The following TRPV2 variants were observed in gnomAD, a reference collection of about 807,000 sequenced individuals.
TRPV2 encodes the protein transient receptor potential cation channel subfamily V member 2, also known as OTRPC2.
A neutral mutation model predicts 91.0 loss-of-function variants in TRPV2; 58 were observed. That is an observed-to-expected ratio of 0.64 (90% CI 0.52 to 0.79). The LOEUF is 0.79. Among genes scored for constraint, TRPV2 ranks in the 30% least tolerant of loss-of-function variants. The pLI is 0.00. For synonymous variants in TRPV2, 417 were observed against 414.8 expected (o/e 1.01, Z -0.06); for missense variants, 807 against 969.6 (o/e 0.83, Z 2.23).
At chr17:16,434,413 A>G (rs1387020992) in intron 13 of TRPV2, among the ~76,000 whole-genome samples, 1 of 147,228 alleles carries the variant, frequency 6.8e-6, no homozygotes, top group Admixed American at 7.0e-5. Context: ...GCTTGCAGTG[A>G]GCTGAGATCG....
rs2142994206 is a variant in TRPV2 at position 16,426,233 on chromosome 17, A to G, written c.1059A>G (p.Ser353=). 2 of 1,614,198 alleles carry G rather than the reference A, an allele frequency of 1.2e-6. No individual in the cohort carries two copies. Among genetic ancestry groups the G allele is most frequent in the Non-Finnish European group, 1.7e-6 (2 of 1,180,032 alleles). ...LASVDSCEEN[S]VLEIIAFHCK... is the part of the protein sequence containing the mutation. ...CTGTGGACAGCTGTGAGGAGAACTC[A>G]GTGCTGGAGATCATTGCCTTTCATT... The change falls in exon 6 of 15, where the codon TCA becomes TCG. Residue 353 remains serine, a synonymous_variant. Transcript: ENST00000338560. The surrounding 1 kb of genome is among the most constrained non-coding windows in gnomAD (Gnocchi z 6.0).
intron 4 of TRPV2, among the ~76,000 whole-genome samples, chr17:16,423,117 C>T (rs77178574): frequency 7.3e-4 from 111 of 152,354 alleles, no homozygotes; most frequent in Non-Finnish European, 1.3e-3. Flanking sequence ...CGAGCTGGGG[C>T]TACAAGTGTG....
chr17:16,417,808 A>G lies in TRPV2; in HGVS notation c.140A>G (p.Asp47Gly). The change falls in exon 2 of 15, where the codon GAC becomes GGC. Residue 47 changes from aspartate (D) to glycine (G), a missense_variant. Coordinates refer to ENST00000338560, the MANE Select transcript of TRPV2 (RefSeq NM_016113.5). ...ATGGAGTCACAGTTCCAGGGCGAGGACCGGAAATTCGCCCCTCAGATAAGA... is the reference window on the plus strand; with the variant it reads ...ATGGAGTCACAGTTCCAGGGCGAGGGCCGGAAATTCGCCCCTCAGATAAGA... ...PPMESQFQGE[D>G]RKFAPQIRVN... 6.2e-7 allele frequency: 1 copy of G among 1,614,216 alleles called. No individual in the cohort carries two copies. Among genetic ancestry groups the G allele is most frequent in the South Asian group, 1.1e-5 (1 of 91,090 alleles).
intron 1 of TRPV2, chr17:16,416,677 C>T (rs1199734688): frequency 1.3e-5 from 2 of 152,196 alleles, no homozygotes; most frequent in Non-Finnish European, 1.5e-5. Context: ...ATAGACAGAC[C>T]CTGAAAGGCT....
intron 8 of TRPV2, 65 bp from the exon 9 acceptor site, chr17:16,428,252 C>A: frequency 6.5e-7 from 1 of 1,532,256 alleles, no homozygotes; most frequent in African/African-American, 1.4e-5. Flanking sequence ...TCCCACTCAG[C>A]CAGGCCAGCA....
At chr17:16,432,455 T>TTTC (rs398030442) in intron 12 of TRPV2, among the ~76,000 whole-genome samples, 155 bp downstream of exon 12, 1 of 150,522 alleles carries the variant, frequency 6.6e-6, no homozygotes, top group Admixed American at 6.6e-5. Context: ...TTTTTTTTTT[T>TTTC]CTGGAGACAA....
chr17:16,422,476 G>A, intron 3 of TRPV2, 123 bp from the exon 4 acceptor site: 1 of 929,804 alleles, frequency 1.1e-6, no homozygotes, highest in East Asian at 2.5e-5. Flanking sequence ...CACCAGTTAT[G>A]TGTAGCATCT....
At chr17:16,433,362 T>C (rs2093421801) in intron 12 of TRPV2, 1 of 586,344 alleles carries the variant, frequency 1.7e-6, no homozygotes, top group Non-Finnish European at 2.9e-6. Flanking sequence ...GTCCTCAGTC[T>C]ACAAATGGGG....
At position 16,423,003 on chromosome 17, in the gene TRPV2, G is replaced by C. The variant is rs1269002911; in HGVS notation, c.625+114G>C. On this transcript the variant is annotated intron_variant, in intron 4 of 14. Transcript: ENST00000338560. ...GTTAAACCTAGGTTTTTCTGACCCC[G>C]ATGCCCTGCTTCTAACCACTAGGCT... 3.0e-5 allele frequency: 39 copies of C among 1,298,984 alleles called. No individual in the cohort carries two copies. In the South Asian group the frequency reaches 5.3e-4, roughly 18 times the overall value. The allele number at this position is 1,298,984 out of a possible 1,614,324, so 80.5% of individuals were successfully genotyped here.
rs775805678 is a variant in TRPV2 at position 16,417,749 on chromosome 17, A to G, written c.81A>G (p.Arg27=). ...AAGAAGATGGCTCTGAGGCGGACAG[A>G]GGAAAGCTGGATTTTGGGAGCGGGC... The part of the protein sequence containing the change: ...GGQEDGSEAD[R]GKLDFGSGLP... Residue 27 remains arginine, a synonymous_variant, in exon 2 of 15, where the codon AGA becomes AGG. Coordinates refer to ENST00000338560, the MANE Select transcript of TRPV2 (RefSeq NM_016113.5). The G allele has an allele frequency of 1.8e-5, 29 of 1,614,204 alleles. No individual in the cohort carries two copies. Among genetic ancestry groups the G allele is most frequent in the Non-Finnish European group, 2.4e-5 (28 of 1,180,036 alleles).
At chr17:16,428,664 T>C in intron 9 of TRPV2, 153 bp from the exon 10 acceptor site, 1 of 817,256 alleles carries the variant, frequency 1.2e-6, no homozygotes, top group Admixed American at 2.6e-5. Flanking sequence ...GCATCATTAT[T>C]ATTATGCCCA....
Position 16,422,836 on chromosome 17 carries a change from C to T in TRPV2, c.572C>T (p.Ala191Val). 1 of 1,573,388 alleles carries T rather than the reference C, an allele frequency of 6.4e-7. No homozygotes were observed. Among genetic ancestry groups the T allele is most frequent in the East Asian group, 2.3e-5 (1 of 42,746 alleles). ...LLVENGANVH[A>V]RACGRFFQKG... The stretch of plus-strand genomic sequence containing the variant: ...GTGGAGAATGGGGCCAATGTGCATG[C>T]CCGGGCCTGCGGCCGCTTCTTCCAG... Residue 191 changes from alanine (A) to valine (V), a missense_variant, in exon 4 of 15, where the codon GCC becomes GTC. Coordinates refer to ENST00000338560, the MANE Select transcript of TRPV2 (RefSeq NM_016113.5).
At chr17:16,419,713 C>T (rs977400258) in intron 2 of TRPV2, among the ~76,000 whole-genome samples, 6 of 152,176 alleles carry the variant, frequency 3.9e-5, no homozygotes, top group African/African-American at 1.4e-4. Context: ...TGTGAGTCTG[C>T]GGGGACCTCC....
At chr17:16,428,276 AGAGCAG>A in intron 8 of TRPV2, 35 bp from the exon 9 acceptor site, 1 of 1,601,598 alleles carries the variant, frequency 6.2e-7, no homozygotes, top group African/African-American at 1.3e-5. Context: ...GGCATGCGGG[AGAGCAG>A]GTTTCACAGC....
In TRPV2 at chr17:16,420,266, G is replaced by A; in HGVS notation, c.334+18G>A. 1 of 1,599,030 alleles carries A rather than the reference G, an allele frequency of 6.3e-7. No homozygotes were observed. The highest frequency in any genetic ancestry group is 8.6e-7 in the Non-Finnish European group (1 of 1,169,216). Reference sequence around the variant, plus strand: ...ATACACAGGTAGACCCTGCCCTGTGGATCCAAGGCTAGGCATCCTGTGAGC... The same window carrying A: ...ATACACAGGTAGACCCTGCCCTGTGAATCCAAGGCTAGGCATCCTGTGAGC... On this transcript the variant is annotated intron_variant, in intron 3 of 14. Coordinates refer to ENST00000338560, the MANE Select transcript of TRPV2 (RefSeq NM_016113.5).
At chr17:16,436,719 G>T (rs902660535) in intron 14 of TRPV2, 70 bp from the exon 15 acceptor site, 2 of 1,155,978 alleles carry the variant, frequency 1.7e-6, no homozygotes, top group Non-Finnish European at 2.6e-6. Flanking sequence ...CTGTGGCCCC[G>T]TTTCCCTGGT....
In TRPV2 at chr17:16,435,185, G is replaced by A. The variant is rs1192289696; in HGVS notation, c.2194+216G>A. ...ACCTTGCTTTCAGGCAGGAACCAGG[G>A]GAAACCTCTGAGGCTGTTAGCGCTT... is the stretch of plus-strand genomic sequence containing the variant. On this transcript the variant is annotated intron_variant, in intron 14 of 14. Coordinates refer to ENST00000338560, the MANE Select transcript of TRPV2 (RefSeq NM_016113.5). This position sits in a 1 kb window ranked among gnomAD's most constrained non-coding sequence, Gnocchi z 4.2. Among the ~76,000 whole-genome samples the A allele has an allele frequency of 6.6e-6, 1 of 152,162 alleles. No individual in the cohort carries two copies. The highest frequency in any genetic ancestry group is 1.9e-4 in the East Asian group (1 of 5,196).
In TRPV2 at chr17:16,426,417, C is replaced by A; in HGVS notation, c.1095+148C>A. The A allele has an allele frequency of 9.8e-7, 1 of 1,022,576 alleles. No individual in the cohort carries two copies. The highest frequency in any genetic ancestry group is 1.4e-6 in the Non-Finnish European group (1 of 706,852). The allele number at this position is 1,022,576 out of a possible 1,614,324, so 63.3% of individuals were successfully genotyped here. ...CATGTCCCAGCAGGCACGACCCTGA[C>A]CATGGCCACCGGGCCCATACTCAAT... On this transcript the variant is annotated intron_variant, in intron 6 of 14. Transcript: ENST00000338560. The surrounding 1 kb of genome is among the most constrained non-coding windows in gnomAD (Gnocchi z 6.0).
At position 16,420,231 on chromosome 17, in the gene TRPV2, C is replaced by T. The variant is rs1413700807; in HGVS notation, c.317C>T (p.Thr106Ile). Residue 106 changes from threonine to isoleucine, a missense_variant, in exon 3 of 15, where the codon ACC becomes ATC. Thr to Ile is a moderately conservative substitution (Grantham distance 89). Transcript: ENST00000338560. ...EYLSKTSKYL[T>I]DSEYTEGSTG... is the part of the protein sequence containing the mutation. ...CTGAGCAAGACCAGCAAGTACCTCA[C>T]CGACTCGGAATACACAGGTAGACCC... 1.9e-6 allele frequency: 3 copies of T among 1,613,870 alleles called. No homozygotes were observed. The highest frequency in any genetic ancestry group is 3.3e-5 in the Admixed American group (2 of 60,016).
Sources: gnomAD v4.1 joint callset for allele counts (sites outside exome capture counted in the v4.1 genomes callset) on GRCh38, gnomAD v4.1.1 for gene constraint, Gnocchi (gnomAD v3.1) non-coding constraint, MANE v1.5 for transcripts, NCBI Gene and HGNC (gene_info 2026-07-23, HGNC 2026-07-21) for gene names.